The following SLIT2 variants were observed in gnomAD, a reference collection of about 807,000 sequenced individuals.
SLIT2 encodes the protein slit guidance ligand 2.
In SLIT2, 41 loss-of-function variants were observed where a neutral mutation model predicts 185.7. The observed-to-expected ratio is 0.22, with a 90% CI of 0.17 to 0.29. The LOEUF (loss-of-function observed/expected upper bound fraction) is 0.29. Ranked by LOEUF, SLIT2 falls within the 10% of genes least tolerant of loss-of-function variation. The pLI is 1.00. For missense variants in SLIT2, 1,571 were observed against 1,909.0 expected (o/e 0.82, Z 3.30); for synonymous variants, 693 against 680.2 (o/e 1.02, Z -0.29).
intron 24 of SLIT2, among the ~76,000 whole-genome samples, chr4:20,550,017 TC>T (rs925455469): frequency 1.3e-5 from 2 of 152,106 alleles, no homozygotes; most frequent in African/African-American, 4.8e-5. Context: ...TTGGAAGGAT[TC>T]CAAAAGTAAC....
At chr4:20,568,576 T>G (rs1168856753) in intron 28 of SLIT2, among the ~76,000 whole-genome samples, 1 of 152,062 alleles carries the variant, frequency 6.6e-6, no homozygotes, top group Non-Finnish European at 1.5e-5. Context: ...AAACTGCTTG[T>G]GTTTTAGACC....
At chr4:20,427,366 A>AT (rs909771368) in intron 4 of SLIT2, among the ~76,000 whole-genome samples, 2 of 152,114 alleles carry the variant, frequency 1.3e-5, no homozygotes, top group Non-Finnish European at 2.9e-5. Flanking sequence ...GTTAGAACCC[A>AT]TTTTTTTCAT....
At chr4:20,317,709 G>A (rs901254292) in intron 4 of SLIT2, among the ~76,000 whole-genome samples, 9 of 151,914 alleles carry the variant, frequency 5.9e-5, no homozygotes, top group African/African-American at 1.7e-4. Context: ...TGGTGGTTTC[G>A]TGCTTAGTTA....
In SLIT2 at chr4:20,597,019, A is replaced by C. The variant is rs1728035997; in HGVS notation, c.3561+364A>C. On this transcript the variant is annotated intron_variant, in intron 32 of 36. Transcript: ENST00000504154. ...TCTGCAGCTAGGAAGGGTGCAGGCG[A>C]GAAAGAACACCTGGATTCAACCACC... is the stretch of plus-strand genomic sequence containing the variant. 2.0e-5 allele frequency among the ~76,000 whole-genome samples: 3 copies of C among 151,292 alleles called. 1 individual carries two copies. In the South Asian group the frequency reaches 6.3e-4, roughly 32 times the overall value.
rs550602793 is a variant in SLIT2 at position 20,462,985 on chromosome 4, G to A, written c.396-4767G>A. ...TCTAGTCCCTACTATGTGCCAAGTC[G>A]TTTTTGAACATTTTAAAAGTATGAA... On this transcript the variant is annotated intron_variant, in intron 4 of 36. Transcript: ENST00000504154. Among the ~76,000 whole-genome samples the A allele has an allele frequency of 6.6e-5, 10 of 152,202 alleles. No homozygotes were observed. In the South Asian group the frequency reaches 8.3e-4, roughly 13 times the overall value.
chr4:20,252,020 A>C lies in SLIT2; in HGVS notation c.-1796A>C, dbSNP rs532053983. Reference sequence around the variant, plus strand: ...AAGGCGGCGGCGGCGGCGGCGGCGGAGGCGGAGGCAGCTGCGAGGCATGGG... The same window carrying C: ...AAGGCGGCGGCGGCGGCGGCGGCGGCGGCGGAGGCAGCTGCGAGGCATGGG... On this transcript the variant is annotated 5_prime_UTR_variant, in exon 1 of 37. Transcript: ENST00000504154. Among the ~76,000 whole-genome samples the C allele has an allele frequency of 8.6e-5, 13 of 151,048 alleles. No homozygotes were observed. The South Asian group carries it at 2.1e-3, about 24-fold the overall frequency.
At chr4:20,602,176 G>A (rs1338152018) in intron 33 of SLIT2, among the ~76,000 whole-genome samples, 1 of 152,108 alleles carries the variant, frequency 6.6e-6, no homozygotes, top group Non-Finnish European at 1.5e-5. Flanking sequence ...GTAATTTGCT[G>A]CCCTTCAAAA....
chr4:20,504,946 G>GA (rs5856563), intron 9 of SLIT2, among the ~76,000 whole-genome samples: 8 of 151,464 alleles, frequency 5.3e-5, no homozygotes, highest in African/African-American at 9.7e-5. Flanking sequence ...AGGCATATAG[G>GA]AAAAAAAAGT....
At chr4:20,480,998 A>G (rs1716643385) in intron 6 of SLIT2, among the ~76,000 whole-genome samples, 1 of 152,094 alleles carries the variant, frequency 6.6e-6, no homozygotes, top group Non-Finnish European at 1.5e-5. Context: ...AAAATTGTGT[A>G]AGGTCACTCA....
At chr4:20,430,349 C>G (rs1728880507) in intron 4 of SLIT2, among the ~76,000 whole-genome samples, 1 of 152,136 alleles carries the variant, frequency 6.6e-6, no homozygotes, top group African/African-American at 2.4e-5. Context: ...TTCTAAGATG[C>G]TGCTGGGACA....
At chr4:20,604,093 G>GTT (rs1369985212) in intron 33 of SLIT2, among the ~76,000 whole-genome samples, 1 of 152,182 alleles carries the variant, frequency 6.6e-6, no homozygotes, top group East Asian at 1.9e-4. Flanking sequence ...TTGGCACAGA[G>GTT]TCGGCTCACG....
rs192211714 is a variant in SLIT2 at position 20,432,424 on chromosome 4, T to C, written c.396-35328T>C. ...GGCAGACAAAATAGGTCAGAAAATG[T>C]GTGGGAAATGAGGTAAGACCTCTCA... On this transcript the variant is annotated intron_variant, in intron 4 of 36. Coordinates refer to ENST00000504154, the MANE Select transcript of SLIT2 (RefSeq NM_004787.4). Among the ~76,000 whole-genome samples the C allele has an allele frequency of 9.2e-5, 14 of 152,006 alleles. No homozygotes were observed. The East Asian group carries it at 2.5e-3, about 27-fold the overall frequency.
chr4:20,351,314 G>T (rs1721857630), intron 4 of SLIT2, among the ~76,000 whole-genome samples: 1 of 152,160 alleles, frequency 6.6e-6, no homozygotes, highest in Non-Finnish European at 1.5e-5. Context: ...CTGCCAAAGT[G>T]CTGGGATTAC....
intron 4 of SLIT2, among the ~76,000 whole-genome samples, chr4:20,384,629 A>G (rs538224122): frequency 6.6e-6 from 1 of 152,286 alleles, no homozygotes; most frequent in Admixed American, 6.5e-5. Flanking sequence ...TGCTAAATGG[A>G]TTAAAGCAAA....
At chr4:20,403,327 G>T (rs1351806148) in intron 4 of SLIT2, among the ~76,000 whole-genome samples, 1 of 151,800 alleles carries the variant, frequency 6.6e-6, no homozygotes, top group Non-Finnish European at 1.5e-5. Flanking sequence ...ACATACTATT[G>T]GCAAACCATA....
At chr4:20,408,212 C>G (rs575539974) in intron 4 of SLIT2, among the ~76,000 whole-genome samples, 3 of 152,206 alleles carry the variant, frequency 2.0e-5, no homozygotes, top group Admixed American at 2.0e-4. Flanking sequence ...TTGTAATATC[C>G]AGACCATCAG....
At chr4:20,473,076 C>T (rs1715735611) in intron 5 of SLIT2, among the ~76,000 whole-genome samples, 2 of 151,834 alleles carry the variant, frequency 1.3e-5, no homozygotes, top group South Asian at 2.1e-4. Context: ...TCAAAAAGGA[C>T]ATATTTTAAA....
At chr4:20,437,986 G>T (rs1006398188) in intron 4 of SLIT2, among the ~76,000 whole-genome samples, 8 of 149,904 alleles carry the variant, frequency 5.3e-5, no homozygotes, top group African/African-American at 1.7e-4. Flanking sequence ...CATACCCCAT[G>T]CCCAATTCTG....
chr4:20,369,530 G>T (rs368784077), intron 4 of SLIT2, among the ~76,000 whole-genome samples: 44 of 152,142 alleles, frequency 2.9e-4, no homozygotes, highest in African/African-American at 1.0e-3. Context: ...TTACTCTCAG[G>T]CCCCTTACGG....
Sources: gnomAD v4.1 joint callset for allele counts (sites outside exome capture counted in the v4.1 genomes callset) on GRCh38, gnomAD v4.1.1 for gene constraint, MANE v1.5 for transcripts, NCBI Gene and HGNC (gene_info 2026-07-23, HGNC 2026-07-21) for gene names.